Variants in THOP1 observed in about 807,000 individuals in gnomAD.
The protein encoded by THOP1 is thimet oligopeptidase.
In THOP1, 49 loss-of-function variants were observed where a neutral mutation model predicts 71.8. The ratio of observed to expected loss-of-function variants is 0.68; its 90% CI spans 0.54 to 0.87. THOP1 has a LOEUF of 0.87. Ranked by LOEUF, THOP1 falls within the 40% of genes least tolerant of loss-of-function variation. THOP1 has a pLI of 0.00. For synonymous variants in THOP1, 426 were observed against 421.5 expected, an observed-to-expected ratio of 1.01 and a Z score of -0.13; for missense variants, 843 against 975.6, an observed-to-expected ratio of 0.86 and a Z score of 1.81.
intron 1 of THOP1, among the ~76,000 whole-genome samples, chr19:2,785,903 C>T (rs1044517149): frequency 2.0e-5 from 3 of 152,238 alleles, no homozygotes; most frequent in Non-Finnish European, 4.4e-5. Flanking sequence ...CGCTTCCCTT[C>T]CGGATGGGTC....
intron 1 of THOP1, among the ~76,000 whole-genome samples, chr19:2,786,104 T>TGA (rs1302485284): frequency 7.7e-6 from 1 of 129,486 alleles, no homozygotes; most frequent in Non-Finnish European, 1.5e-5. Context: ...GAGAGGGTGG[T>TGA]TCCTGGGGGG....
In THOP1 at chr19:2,807,785, G is replaced by A; in HGVS notation, c.1230G>A (p.Lys410=). ...CGGCCTCGGGGGAGGTGGTCGGCAA[G>A]TTCTACCTGGACCTGTACCCGCGGT... is the stretch of plus-strand genomic sequence containing the variant. ...RDAASGEVVG[K]FYLDLYPREG... is the part of the protein sequence containing the mutation. Residue 410 remains lysine, a synonymous_variant, in exon 8 of 13, where the codon AAG becomes AAA. Coordinates refer to ENST00000307741, the MANE Select transcript of THOP1 (RefSeq NM_003249.5). 2 of 1,527,252 alleles carry A rather than the reference G, an allele frequency of 1.3e-6. No individual in the cohort carries two copies. Among genetic ancestry groups the A allele is most frequent in the Non-Finnish European group, 1.8e-6 (2 of 1,135,454 alleles). The allele number at this position is 1,527,252 out of a possible 1,614,324, so 94.6% of individuals were successfully genotyped here. A position where few individuals can be genotyped will look rare whatever the true frequency, so the allele number is the denominator to read the frequency against.
chr19:2,806,663 C>T, intron 6 of THOP1: 1 of 552,012 alleles, frequency 1.8e-6, no homozygotes, highest in Admixed American at 3.7e-5. Context: ...TCGGACAGCC[C>T]CTGGTCCCCA....
At chr19:2,791,730 G>A (rs1390469292) in intron 2 of THOP1, among the ~76,000 whole-genome samples, 4 of 152,018 alleles carry the variant, frequency 2.6e-5, no homozygotes, top group Non-Finnish European at 5.9e-5. Context: ...CATTTCCCCC[G>A]CCCGTGCCCC....
At chr19:2,787,195 G>A (rs779856822) in intron 1 of THOP1, among the ~76,000 whole-genome samples, 5 of 152,240 alleles carry the variant, frequency 3.3e-5, no homozygotes, top group South Asian at 2.1e-4. Flanking sequence ...CACCGTGCCC[G>A]GCCTGGGTTT....
chr19:2,802,973 G>A (rs556044892), intron 5 of THOP1, among the ~76,000 whole-genome samples: 5 of 152,244 alleles, frequency 3.3e-5, no homozygotes, highest in Non-Finnish European at 7.3e-5. Context: ...CTCTGAACCT[G>A]CTCTTACTGT....
Position 2,810,441 on chromosome 19 carries a change from G to A in THOP1, c.1593G>A (p.Val531=). The A allele has an allele frequency of 1.3e-6, 2 of 1,590,020 alleles. No homozygotes were observed. Among genetic ancestry groups the A allele is most frequent in the Non-Finnish European group, 1.7e-6 (2 of 1,170,858 alleles). The change falls in exon 10 of 13, where the codon GTG becomes GTA. Residue 531 remains valine, a synonymous_variant. Transcript: ENST00000307741. ...MSRHYRTGSA[V]PRELLEKLIE... is the part of the protein sequence containing the mutation. ...GGCACTACCGCACAGGCAGCGCCGT[G>A]CCCCGGGAGCTCCTGGAGAAGCTCA...
chr19:2,789,703 G>T (rs1295902304), intron 1 of THOP1, among the ~76,000 whole-genome samples: 2 of 152,102 alleles, frequency 1.3e-5, no homozygotes, highest in Admixed American at 6.5e-5. Flanking sequence ...ACACCCAGGG[G>T]TTTGTACAGG....
intron 4 of THOP1, among the ~76,000 whole-genome samples, chr19:2,797,033 C>G (rs1208957939): frequency 6.6e-6 from 1 of 152,214 alleles, no homozygotes; most frequent in Non-Finnish European, 1.5e-5. Context: ...ATGCGTGTCA[C>G]AGTTCCCAGG....
chr19:2,811,004 C>T (rs1480578546), intron 11 of THOP1, among the ~76,000 whole-genome samples: 4 of 152,198 alleles, frequency 2.6e-5, no homozygotes, highest in Admixed American at 6.5e-5. Context: ...TTCCCTGGAG[C>T]CTCTGCTTTG....
rs1197693683 is a variant in THOP1 at position 2,810,372 on chromosome 19, G to A, written c.1524G>A (p.Leu508=). 1 of 1,611,544 alleles carries A rather than the reference G, an allele frequency of 6.2e-7. No homozygotes were observed. The change falls in exon 10 of 13, where the codon CTG becomes CTA. Residue 508 remains leucine, a synonymous_variant. Coordinates refer to ENST00000307741, the MANE Select transcript of THOP1 (RefSeq NM_003249.5). ...TTGTGGAGGCGCCGTCGCAGATGCT[G>A]GAGAACTGGGTGTGGGAGCAGGAGC... is the stretch of plus-strand genomic sequence containing the variant. ...RDFVEAPSQM[L]ENWVWEQEPL... is the part of the protein sequence containing the mutation.
At chr19:2,793,377 T>G (rs1051495201) in intron 2 of THOP1, among the ~76,000 whole-genome samples, 1 of 152,084 alleles carries the variant, frequency 6.6e-6, no homozygotes, top group Non-Finnish European at 1.5e-5. Flanking sequence ...TGGATGGGCC[T>G]GTCCTGGATA....
chr19:2,785,771 C>T, intron 1 of THOP1, 93 bp downstream of exon 1: 3 of 1,216,450 alleles, frequency 2.5e-6, no homozygotes, highest in Non-Finnish European at 3.1e-6. Flanking sequence ...AGCGAAGCGA[C>T]CCCCGAGCCA....
rs371779139 is a variant in THOP1 at position 2,812,420 on chromosome 19, G to A, written c.1908+686G>A. The A allele has an allele frequency of 6.7e-5, 97 of 1,448,500 alleles. 1 individual carries two copies. The African/African-American group carries it at 1.2e-3, about 18-fold the overall frequency. The allele number at this position is 1,448,500 out of a possible 1,614,324, so 89.7% of individuals were successfully genotyped here. On this transcript the variant is annotated intron_variant, in intron 12 of 12. Transcript: ENST00000307741. ...GCACTCAGCTGCTCCCTTTATAGAG[G>A]TGCAGAGGCCAGGACCTGGGGGAGC...
In THOP1 at chr19:2,807,820, C is replaced by A; in HGVS notation, c.1253+12C>A. 1 of 1,462,798 alleles carries A rather than the reference C, an allele frequency of 6.8e-7. No individual in the cohort carries two copies. The highest frequency in any genetic ancestry group is 2.6e-5 in the Admixed American group (1 of 38,660). The allele number at this position is 1,462,798 out of a possible 1,614,324, so 90.6% of individuals were successfully genotyped here. On this transcript the variant is annotated intron_variant, in intron 8 of 12. Transcript: ENST00000307741. ...GACCTGTACCCGCGGTGGGTGAGGG[C>A]AGCGGGGGCGGGGGGCGCACCCCGG...
intron 2 of THOP1, among the ~76,000 whole-genome samples, chr19:2,792,213 C>T (rs981258834): frequency 1.3e-5 from 2 of 152,222 alleles, no homozygotes; most frequent in African/African-American, 4.8e-5. Context: ...GGCCCAGAGC[C>T]CCCACTACAG....
chr19:2,812,444 G>T, intron 12 of THOP1: 2 of 1,392,066 alleles, frequency 1.4e-6, no homozygotes, highest in Non-Finnish European at 1.9e-6. Context: ...ACCTGGGGGA[G>T]CAATGGTCCG....
At chr19:2,803,039 C>T (rs556310358) in intron 5 of THOP1, among the ~76,000 whole-genome samples, 15 of 150,908 alleles carry the variant, frequency 9.9e-5, no homozygotes, top group Non-Finnish European at 1.6e-4. Flanking sequence ...GTGGGGCGCG[C>T]GGTACCGCAG....
chr19:2,800,964 T>C (rs981643182), intron 5 of THOP1, among the ~76,000 whole-genome samples: 1 of 152,122 alleles, frequency 6.6e-6, no homozygotes, highest in African/African-American at 2.4e-5. Flanking sequence ...GCCAATGCCA[T>C]GGCACCAAGG....
Sources: gnomAD v4.1 joint callset for allele counts (sites outside exome capture counted in the v4.1 genomes callset) on GRCh38, gnomAD v4.1.1 for gene constraint, MANE v1.5 for transcripts, NCBI Gene and HGNC (gene_info 2026-07-23, HGNC 2026-07-21) for gene names.